Variants in CFAP47 observed in about 807,000 individuals in gnomAD.
CFAP47 encodes the protein cilia and flagella associated protein 47.
In CFAP47, 29 loss-of-function variants were observed where a neutral mutation model predicts 148.1. The ratio of observed to expected loss-of-function variants is 0.20; its 90% CI spans 0.15 to 0.27. The LOEUF (loss-of-function observed/expected upper bound fraction) is 0.27. Ranked by LOEUF, CFAP47 falls within the 10% of genes least tolerant of loss-of-function variation. The probability of loss-of-function intolerance (pLI) is 1.00; values close to 1 mark genes in which losing one functional copy is unlikely to be tolerated. For synonymous variants in CFAP47, 664 were observed against 577.3 expected, an observed-to-expected ratio of 1.15 and a Z score of -2.15; for missense variants, 1,872 against 1,697.5, an observed-to-expected ratio of 1.10 and a Z score of -1.81.
chrX:36,066,433 A>C (rs936762607), intron 27 of CFAP47, among the ~76,000 whole-genome samples: 1 of 111,623 alleles, frequency 9.0e-6, no homozygotes, highest in Non-Finnish European at 1.9e-5. Context: ...CCTTAATTTC[A>C]GGGGATGACT....
In CFAP47 at chrX:36,205,865, G is replaced by T. The variant is rs144695850; in HGVS notation, c.6817+755G>T. On this transcript the variant is annotated intron_variant, in intron 45 of 63. Coordinates refer to ENST00000378653, the MANE Select transcript of CFAP47 (RefSeq NM_001304548.2). ...TCCAGTATCATGGATTCTCACTTAT[G>T]CTTTTGCTAAATTTGGTTTTGTTAA... 2.2e-3 allele frequency among the ~76,000 whole-genome samples: 241 copies of T among 111,900 alleles called. 2 individuals are homozygous for T. The East Asian group carries it at 0.053, about 25-fold the overall frequency.
chrX:36,224,528 G>A (rs1555991235), intron 45 of CFAP47, among the ~76,000 whole-genome samples: 1 of 111,468 alleles, frequency 9.0e-6, no homozygotes, highest in Non-Finnish European at 1.9e-5. Flanking sequence ...GACTTGCTTT[G>A]GACAAAGGAT....
chrX:35,956,081 T>C lies in CFAP47; in HGVS notation c.1295T>C (p.Ile432Thr). 8.3e-7 allele frequency: 1 copy of C among 1,211,379 alleles called. No individual in the cohort carries two copies. Among genetic ancestry groups the C allele is most frequent in the Non-Finnish European group, 1.1e-6 (1 of 895,173 alleles). Residue 432 changes from isoleucine (I) to threonine (T), a missense_variant, in exon 8 of 64, where the codon ATT becomes ACT. By Grantham distance (89) the Ile-to-Thr change is moderately conservative. Transcript: ENST00000378653. Reference sequence around the variant, plus strand: ...TGTTTCATGGGTGAACGTTCAGAAATTCAGTGCATCATAAAAAATCAATGC... The same window carrying C: ...TGTTTCATGGGTGAACGTTCAGAAACTCAGTGCATCATAAAAAATCAATGC... ...KPCFMGERSE[I>T]QCIIKNQCEL...
rs776960539 is a variant in CFAP47 at position 36,100,795 on chromosome X, T to A, written c.5127+916T>A. ...TATTAAATCCTCACAACTGAAATCA[T>A]CAATTTAGCAATGAAGAAACTGAGT... is the stretch of plus-strand genomic sequence containing the variant. On this transcript the variant is annotated intron_variant, in intron 32 of 63. Transcript: ENST00000378653. 3.6e-5 allele frequency among the ~76,000 whole-genome samples: 4 copies of A among 112,161 alleles called. No individual in the cohort carries two copies. In the East Asian group the frequency reaches 1.1e-3, roughly 32 times the overall value.
At chrX:36,368,354 T>C (rs1556020739) in intron 62 of CFAP47, among the ~76,000 whole-genome samples, 3 of 111,728 alleles carry the variant, frequency 2.7e-5, no homozygotes, top group African/African-American at 9.7e-5. Context: ...AGTTGGCTAA[T>C]GCTGTTGTCT....
In CFAP47 at chrX:36,348,366, TTATACA is replaced by T. The variant is rs1452862603; in HGVS notation, c.8603+83_8603+88del. 9.3e-4 allele frequency: 454 copies of T among 487,460 alleles called. 2 individuals are homozygous for T. The highest frequency in any genetic ancestry group is 2.1e-4 in the Non-Finnish European group (69 of 330,512). The allele number at this position is 487,460 out of a possible 1,213,427, so 40.2% of individuals were successfully genotyped here. A position where few individuals can be genotyped will look rare whatever the true frequency, so the allele number is the denominator to read the frequency against. Reference sequence around the variant, plus strand: ...TGACATGCTAGGTTTCTTTTACATGTTATACATATATAATGTCAAGCTCATGATTTT... The same window carrying T: ...TGACATGCTAGGTTTCTTTTACATGTTATATAATGTCAAGCTCATGATTTT... On this transcript the variant is annotated intron_variant, in intron 58 of 63. Transcript: ENST00000378653.
Position 35,966,774 on chromosome X carries a change from C to A in CFAP47, c.1600+20C>A, listed in dbSNP as rs200643251. On this transcript the variant is annotated intron_variant, in intron 9 of 63. Coordinates refer to ENST00000378653, the MANE Select transcript of CFAP47 (RefSeq NM_001304548.2). ...ATCCTGGTATGCTATTGTGTAGTGC[C>A]CACCTGGCTTTGTTGTTACTGTTGT... 9.8e-7 allele frequency: 1 copy of A among 1,018,802 alleles called. No individual in the cohort carries two copies. Among genetic ancestry groups the A allele is most frequent in the Admixed American group, 3.4e-5 (1 of 29,703 alleles). 84.0% of individuals were successfully genotyped at this position (1,018,802 alleles called of 1,213,427 possible).
At chrX:35,924,259 GTA>G (rs1293200237) in intron 1 of CFAP47, among the ~76,000 whole-genome samples, 1 of 91,831 alleles carries the variant, frequency 1.1e-5, no homozygotes, top group Non-Finnish European at 2.0e-5. Flanking sequence ...ATATGGACAT[GTA>G]TGTGTACATG....
chrX:35,955,315 T>G (rs142292459), intron 7 of CFAP47, among the ~76,000 whole-genome samples: 1,461 of 111,983 alleles, frequency 0.013, 9 homozygotes, highest in South Asian at 0.045. Context: ...CTTTATCACT[T>G]CTTCATTTCC....
intron 22 of CFAP47, among the ~76,000 whole-genome samples, chrX:36,017,500 T>A (rs1377833727): frequency 8.9e-6 from 1 of 112,353 alleles, no homozygotes; most frequent in African/African-American, 3.2e-5. Context: ...TATTTCCTTG[T>A]AGAAGTTTCA....
Position 35,941,401 on chromosome X carries a change from A to T in CFAP47, c.517+3A>T. Reference sequence around the variant, plus strand: ...CACTAACCATGGCAAAGCTCCAGGTAAATCCTTCCTGTCATATTTACTTAC... The same window carrying T: ...CACTAACCATGGCAAAGCTCCAGGTTAATCCTTCCTGTCATATTTACTTAC... On this transcript the variant is annotated splice_donor_region_variant and intron_variant, in intron 3 of 63. Transcript: ENST00000378653. 1 of 963,315 alleles carries T rather than the reference A, an allele frequency of 1.0e-6. No individual in the cohort carries two copies. The allele number at this position is 963,315 out of a possible 1,213,427, so 79.4% of individuals were successfully genotyped here.
intron 35 of CFAP47, among the ~76,000 whole-genome samples, chrX:36,139,170 A>G (rs892844798): frequency 8.9e-6 from 1 of 111,976 alleles, no homozygotes; most frequent in Non-Finnish European, 1.9e-5. Context: ...AGATGAAGGA[A>G]GAGATCAATG....
At chrX:36,033,381 AT>A (rs914271088) in intron 23 of CFAP47, among the ~76,000 whole-genome samples, 1 of 111,955 alleles carries the variant, frequency 8.9e-6, no homozygotes, top group African/African-American at 3.2e-5. Flanking sequence ...TAAAGAAAAA[AT>A]AACACTAAAC....
intron 23 of CFAP47, 65 bp downstream of exon 23, chrX:36,031,412 T>C (rs1440838503): frequency 1.1e-5 from 3 of 272,035 alleles, no homozygotes; most frequent in Non-Finnish European, 1.9e-5. Flanking sequence ...GTTTGTTAAG[T>C]TGATTATTCA....
intron 60 of CFAP47, among the ~76,000 whole-genome samples, chrX:36,356,048 C>A (rs1299834555): frequency 9.0e-6 from 1 of 111,693 alleles, no homozygotes; most frequent in Non-Finnish European, 1.9e-5. Flanking sequence ...CCTAGATAAT[C>A]AGGGTCTTGA....
chrX:36,041,434 T>G (rs1937403114), intron 25 of CFAP47, among the ~76,000 whole-genome samples: 1 of 111,682 alleles, frequency 9.0e-6, no homozygotes, highest in Non-Finnish European at 1.9e-5. Context: ...GTAGAAAGCC[T>G]TTGGGTTAAT....
At chrX:36,335,797 A>G (rs182073298) in intron 57 of CFAP47, among the ~76,000 whole-genome samples, 6 of 111,742 alleles carry the variant, frequency 5.4e-5, no homozygotes, top group South Asian at 3.7e-4. Flanking sequence ...CTATATTAAT[A>G]TAAGTATTCT....
intron 33 of CFAP47, among the ~76,000 whole-genome samples, chrX:36,125,706 A>G (rs1408436373): frequency 9.4e-6 from 1 of 106,192 alleles, no homozygotes; most frequent in Admixed American, 9.7e-5. Context: ...ATGGTCAGAG[A>G]AACAACAGTG....
At chrX:36,228,945 A>T in intron 46 of CFAP47, 121 bp downstream of exon 46, 1 of 431,864 alleles carries the variant, frequency 2.3e-6, no homozygotes, top group Middle Eastern at 6.4e-4. Flanking sequence ...GCTGTCAATT[A>T]TTTCTTCATA....
Sources: allele counts gnomAD v4.1 joint callset (sites outside exome capture counted in the v4.1 genomes callset), GRCh38; gene constraint gnomAD v4.1.1; transcripts MANE v1.5; gene names NCBI Gene and HGNC (gene_info 2026-07-23, HGNC 2026-07-21).